The following RABGAP1L variants were observed in gnomAD, a reference collection of about 807,000 sequenced individuals.
RABGAP1L encodes the protein rab GTPase-activating protein 1-like.
RABGAP1L carries 63 observed loss-of-function variants against 137.7 expected under a neutral mutation model. That is an observed-to-expected ratio of 0.46 (90% CI 0.37 to 0.56). The LOEUF is 0.56. Ranked by LOEUF, RABGAP1L falls within the 20% of genes least tolerant of loss-of-function variation. RABGAP1L has a pLI of 0.00. For synonymous variants in RABGAP1L, 431 were observed against 433.7 expected (o/e 0.99, Z 0.08); for missense variants, 1,095 against 1,244.0 (o/e 0.88, Z 1.80).
At chr1:174,340,439 C>G (rs114900483) in intron 11 of RABGAP1L, among the ~76,000 whole-genome samples, 3,065 of 152,264 alleles carry the variant, frequency 0.02, 109 homozygotes, top group African/African-American at 0.071. Flanking sequence ...TCCCCACTCC[C>G]CAGACAGGCC....
chr1:174,982,948 C>T, intron 24 of RABGAP1L, 43 bp downstream of exon 24: 1 of 1,539,128 alleles, frequency 6.5e-7, no homozygotes, highest in African/African-American at 1.4e-5. Context: ...ATTTCAAAGT[C>T]ACACAGGCTT....
At chr1:174,802,989 T>C (rs1192088930) in intron 18 of RABGAP1L, among the ~76,000 whole-genome samples, 1 of 152,236 alleles carries the variant, frequency 6.6e-6, no homozygotes, top group Non-Finnish European at 1.5e-5. Flanking sequence ...TTTTTAGTCA[T>C]GTTTCAAACA....
intron 17 of RABGAP1L, among the ~76,000 whole-genome samples, chr1:174,720,084 TG>T (rs1681370204): frequency 6.6e-6 from 1 of 152,126 alleles, no homozygotes; most frequent in African/African-American, 2.4e-5. Flanking sequence ...CAAAACTGCA[TG>T]GTAATGGCAT....
chr1:174,729,171 T>C (rs1682252035), intron 17 of RABGAP1L, among the ~76,000 whole-genome samples: 1 of 152,136 alleles, frequency 6.6e-6, no homozygotes, highest in Non-Finnish European at 1.5e-5. Flanking sequence ...GAAATAAAGA[T>C]GCACACTTAC....
intron 11 of RABGAP1L, among the ~76,000 whole-genome samples, chr1:174,350,211 G>C (rs1311541930): frequency 1.4e-5 from 2 of 138,080 alleles, no homozygotes; most frequent in Admixed American, 6.9e-5. Flanking sequence ...CCTCCCTCCC[G>C]GACGGGGTGG....
intron 13 of RABGAP1L, among the ~76,000 whole-genome samples, chr1:174,441,852 A>C (rs1157486500): frequency 6.7e-6 from 1 of 150,244 alleles, no homozygotes; most frequent in African/African-American, 2.4e-5. Context: ...TTTTTTTTTA[A>C]AGTTGGTGGA....
chr1:174,436,815 C>T (rs1653388849), intron 13 of RABGAP1L, among the ~76,000 whole-genome samples: 1 of 152,088 alleles, frequency 6.6e-6, no homozygotes, highest in Non-Finnish European at 1.5e-5. Flanking sequence ...GGGAGGCAAC[C>T]CCCCAGTAGG....
chr1:174,201,701 G>C (rs1249465773), intron 1 of RABGAP1L, among the ~76,000 whole-genome samples: 2 of 150,080 alleles, frequency 1.3e-5, no homozygotes, highest in East Asian at 2.0e-4. Context: ...TGCACAACGT[G>C]CAGGTTTGTT....
chr1:174,187,271 A>C (rs977446916), intron 1 of RABGAP1L, among the ~76,000 whole-genome samples: 2 of 151,568 alleles, frequency 1.3e-5, no homozygotes, highest in East Asian at 1.9e-4. Flanking sequence ...CTACCTGCCA[A>C]ATGTGGCAGG....
At chr1:174,712,237 T>G (rs1680595238) in intron 17 of RABGAP1L, among the ~76,000 whole-genome samples, 1 of 152,154 alleles carries the variant, frequency 6.6e-6, no homozygotes, top group Non-Finnish European at 1.5e-5. Flanking sequence ...GCCCGAGCAG[T>G]CACCTTCCGG....
At chr1:174,949,733 T>C (rs1189111369) in intron 19 of RABGAP1L, among the ~76,000 whole-genome samples, 1 of 152,212 alleles carries the variant, frequency 6.6e-6, no homozygotes, top group African/African-American at 2.4e-5. Flanking sequence ...CTCCAGATAT[T>C]ATTTATTGAT....
chr1:174,355,394 A>G (rs1683543719), intron 11 of RABGAP1L, among the ~76,000 whole-genome samples: 1 of 147,870 alleles, frequency 6.8e-6, no homozygotes, highest in Admixed American at 6.8e-5. Context: ...GTTCTCACTC[A>G]TAGGTGGGAA....
intron 19 of RABGAP1L, among the ~76,000 whole-genome samples, chr1:174,860,158 A>G (rs2987878): frequency 0.12 from 18,059 of 151,936 alleles, 3,584 homozygotes; most frequent in African/African-American, 0.41. Flanking sequence ...TTTTGCATCA[A>G]GGTTTGCTCA....
intron 14 of RABGAP1L, among the ~76,000 whole-genome samples, chr1:174,663,993 C>T (rs1252564164): frequency 6.6e-6 from 1 of 152,124 alleles, no homozygotes; most frequent in Non-Finnish European, 1.5e-5. Flanking sequence ...AAAAAATACA[C>T]ATTACGTAAG....
intron 13 of RABGAP1L, among the ~76,000 whole-genome samples, chr1:174,586,400 G>A (rs1391168295): frequency 1.3e-5 from 2 of 151,798 alleles, no homozygotes; most frequent in South Asian, 4.2e-4. Context: ...GGGGAGGGTG[G>A]GTAGGGGAGA....
intron 14 of RABGAP1L, among the ~76,000 whole-genome samples, chr1:174,638,314 GTA>G (rs1170017229): frequency 6.6e-6 from 1 of 152,284 alleles, no homozygotes; most frequent in East Asian, 1.9e-4. Flanking sequence ...GAATTAAGAA[GTA>G]TATTCACAAA....
chr1:174,788,477 G>A (rs566490582), intron 18 of RABGAP1L, among the ~76,000 whole-genome samples: 2 of 152,266 alleles, frequency 1.3e-5, no homozygotes, highest in South Asian at 2.1e-4. Context: ...CTCTATTTCC[G>A]TAGCACACCA....
Position 174,650,293 on chromosome 1 carries a change from C to A in RABGAP1L, c.1824+12805C>A, listed in dbSNP as rs553941213. Among the ~76,000 whole-genome samples the A allele has an allele frequency of 2.4e-4, 36 of 151,988 alleles. No homozygotes were observed. In the East Asian group the frequency reaches 6.9e-3, roughly 29 times the overall value. ...TCACCAAGGATATTGGTCTAAAATT[C>A]TCTTTTTTGGTTGTGTCTCTGCCCG... is the stretch of plus-strand genomic sequence containing the variant. On this transcript the variant is annotated intron_variant, in intron 14 of 25. Coordinates refer to ENST00000681986, the MANE Select transcript of RABGAP1L (RefSeq NM_001366446.1).
chr1:174,924,543 A>C (rs1662388769), intron 19 of RABGAP1L, among the ~76,000 whole-genome samples: 1 of 152,182 alleles, frequency 6.6e-6, no homozygotes, highest in South Asian at 2.1e-4. Flanking sequence ...CCTACTTCGC[A>C]GAGCATTTAG....
Sources: gnomAD v4.1 joint callset for allele counts (sites outside exome capture counted in the v4.1 genomes callset) on GRCh38, gnomAD v4.1.1 for gene constraint, MANE v1.5 for transcripts, NCBI Gene and HGNC (gene_info 2026-07-23, HGNC 2026-07-21) for gene names.